The following KIF13A variants were observed in gnomAD, a reference collection of about 807,000 sequenced individuals.
The protein encoded by KIF13A is kinesin family member 13A, also known as kinesin-like protein KIF13A.
KIF13A carries 79 observed loss-of-function variants against 212.2 expected under a neutral mutation model. The observed-to-expected ratio is 0.37, with a 90% CI of 0.31 to 0.45. KIF13A has a LOEUF of 0.45. Ranked by LOEUF, KIF13A falls within the 20% of genes least tolerant of loss-of-function variation. KIF13A has a pLI of 1.00. For synonymous variants in KIF13A, 789 were observed against 808.6 expected, an observed-to-expected ratio of 0.98 and a Z score of 0.41; for missense variants, 1,901 against 2,209.0, an observed-to-expected ratio of 0.86 and a Z score of 2.79.
Position 17,948,557 on chromosome 6 carries a change from C to CTTTTTT in KIF13A, c.146+38491_146+38496dup, listed in dbSNP as rs71002289. On this transcript the variant is annotated intron_variant, in intron 2 of 38. Coordinates refer to ENST00000259711, the MANE Select transcript of KIF13A (RefSeq NM_022113.6). The stretch of plus-strand genomic sequence containing the variant: ...CACAGTACCACATAACATCCATTTA[C>CTTTTTT]TTTTTTTTTTTTTTTTTTTTTTTTG... 1.6e-3 allele frequency among the ~76,000 whole-genome samples: 132 copies of CTTTTTT among 84,134 alleles called. 2 individuals are homozygous for CTTTTTT. Among genetic ancestry groups the CTTTTTT allele is most frequent in the Admixed American group, 8.3e-3 (46 of 5,548 alleles). 55.2% of individuals were successfully genotyped at this position (84,134 alleles called of 152,430 possible).
chr6:17,830,336 T>C (rs1366558434), intron 13 of KIF13A, among the ~76,000 whole-genome samples: 3 of 152,242 alleles, frequency 2.0e-5, no homozygotes, highest in African/African-American at 7.2e-5. Flanking sequence ...AATGATGTTA[T>C]AGCCCTGAGG....
At chr6:17,917,360 C>G (rs1774624971) in intron 2 of KIF13A, among the ~76,000 whole-genome samples, 1 of 151,178 alleles carries the variant, frequency 6.6e-6, no homozygotes, top group Non-Finnish European at 1.5e-5. Flanking sequence ...TGTGCCTCAA[C>G]CTCCCGAGAA....
chr6:17,927,826 T>C (rs975221004), intron 2 of KIF13A, among the ~76,000 whole-genome samples: 1 of 152,140 alleles, frequency 6.6e-6, no homozygotes, highest in African/African-American at 2.4e-5. Context: ...AAGAAGACTC[T>C]TGGAATAAAC....
chr6:17,939,038 T>C (rs1404809341), intron 2 of KIF13A, among the ~76,000 whole-genome samples: 4 of 152,176 alleles, frequency 2.6e-5, no homozygotes, highest in Non-Finnish European at 4.4e-5. Flanking sequence ...TTGGCACAAA[T>C]TCCTTCAAGA....
rs550185559 is a variant in KIF13A at position 17,861,497 on chromosome 6, C to A, written c.221-5375G>T. Among the ~76,000 whole-genome samples the A allele has an allele frequency of 2.0e-5, 3 of 152,238 alleles. No homozygotes were observed. In the East Asian group the frequency reaches 5.8e-4, roughly 29 times the overall value. ...TTATTCTTACATGTTTACCTCTGTGCAGTTTCCTATTGACTTTACTAGGCA... is the reference window on the plus strand; with the variant it reads ...TTATTCTTACATGTTTACCTCTGTGAAGTTTCCTATTGACTTTACTAGGCA... On this transcript the variant is annotated intron_variant, in intron 4 of 38. Coordinates refer to ENST00000259711, the MANE Select transcript of KIF13A (RefSeq NM_022113.6).
chr6:17,880,782 G>A (rs764248500), intron 3 of KIF13A, among the ~76,000 whole-genome samples: 2 of 151,968 alleles, frequency 1.3e-5, no homozygotes, highest in Admixed American at 6.6e-5. Flanking sequence ...CACCATACTT[G>A]TCTAATTTTG....
In KIF13A at chr6:17,838,280, C is replaced by T. The variant is rs1485915543; in HGVS notation, c.831-697G>A. Among the ~76,000 whole-genome samples the T allele has an allele frequency of 6.6e-6, 1 of 151,088 alleles. No homozygotes were observed. The highest frequency in any genetic ancestry group is 2.4e-5 in the African/African-American group (1 of 41,042). On this transcript the variant is annotated intron_variant, in intron 9 of 38. Coordinates refer to ENST00000259711, the MANE Select transcript of KIF13A (RefSeq NM_022113.6). The surrounding 1 kb of genome is among the most constrained non-coding windows in gnomAD (Gnocchi z 4.2). ...AGGCTGCAGTGAGCCAAGATCGCGC[C>T]ACTGTACTCCAGCCTGGGCGACAGA...
Position 17,947,310 on chromosome 6 carries a change from G to A in KIF13A, c.146+39744C>T, listed in dbSNP as rs147888226. On this transcript the variant is annotated intron_variant, in intron 2 of 38. Coordinates refer to ENST00000259711, the MANE Select transcript of KIF13A (RefSeq NM_022113.6). The surrounding 1 kb of genome is among the most constrained non-coding windows in gnomAD (Gnocchi z 4.6). The stretch of plus-strand genomic sequence containing the variant: ...TTAACTGTTGAAACCAAATATATAA[G>A]TTATATACTTCTTTATTATACATGC... Among the ~76,000 whole-genome samples the A allele has an allele frequency of 0.014, 2,182 of 151,930 alleles. 21 individuals carry two copies. The highest frequency in any genetic ancestry group is 0.025 in the Non-Finnish European group (1,696 of 67,966).
intron 11 of KIF13A, among the ~76,000 whole-genome samples, chr6:17,835,191 C>A (rs1765820053): frequency 1.1e-5 from 1 of 89,518 alleles, no homozygotes; most frequent in African/African-American, 4.3e-5. Flanking sequence ...CCACCCGCCC[C>A]CGCCAAAAAA....
chr6:17,850,522 GT>G lies in KIF13A; in HGVS notation c.583-66del. The G allele has an allele frequency of 6.8e-7, 1 of 1,461,766 alleles. No individual in the cohort carries two copies. The highest frequency in any genetic ancestry group is 9.2e-7 in the Non-Finnish European group (1 of 1,086,194). The allele number at this position is 1,461,766 out of a possible 1,614,324, so 90.5% of individuals were successfully genotyped here. ...ACAAGAATGTAGTCCTGCACACCAGGTATATGTATTAATTATGATTCCTCTG... is the reference window on the plus strand; with the variant it reads ...ACAAGAATGTAGTCCTGCACACCAGGATATGTATTAATTATGATTCCTCTG... On this transcript the variant is annotated intron_variant, in intron 7 of 38. Transcript: ENST00000259711. This position sits in a 1 kb window ranked among gnomAD's most constrained non-coding sequence, Gnocchi z 6.2.
In KIF13A at chr6:17,835,195, C is replaced by CA. The variant is rs61697144; in HGVS notation, c.1156-1125dup. ...AGAGACTCTGTCCACCCGCCCCCGC[C>CA]AAAAAAAAAAAAAAAAAAAAAAAAA... On this transcript the variant is annotated intron_variant, in intron 11 of 38. Coordinates refer to ENST00000259711, the MANE Select transcript of KIF13A (RefSeq NM_022113.6). Among the ~76,000 whole-genome samples the CA allele has an allele frequency of 1.3e-3, 61 of 45,944 alleles. 11 individuals carry two copies. The highest frequency in any genetic ancestry group is 2.9e-3 in the East Asian group (3 of 1,028). The allele number at this position is 45,944 out of a possible 152,430, so 30.1% of individuals were successfully genotyped here.
chr6:17,953,413 AG>A (rs1778051677), intron 2 of KIF13A, among the ~76,000 whole-genome samples: 1 of 152,200 alleles, frequency 6.6e-6, no homozygotes, highest in Admixed American at 6.5e-5. Context: ...TCTCTTAACC[AG>A]GAAGAAAAGC....
downstream of KIF13A, among the ~76,000 whole-genome samples, chr6:17,762,700 A>G (rs547596938): frequency 1.3e-5 from 2 of 152,214 alleles, no homozygotes; most frequent in Non-Finnish European, 2.9e-5. Flanking sequence ...TAATCCAGGT[A>G]AAGAAAGTTG....
intron 3 of KIF13A, among the ~76,000 whole-genome samples, chr6:17,878,784 C>T (rs772395319): frequency 1.5e-4 from 23 of 152,116 alleles, no homozygotes; most frequent in African/African-American, 4.6e-4. Flanking sequence ...TAAAAGGGCA[C>T]GAGACCATTT....
intron 9 of KIF13A, among the ~76,000 whole-genome samples, chr6:17,840,869 A>G (rs1032697833): frequency 2.0e-5 from 3 of 152,282 alleles, no homozygotes; most frequent in South Asian, 4.1e-4. Context: ...CTCTAAAAAC[A>G]TGGCATCAAT....
intron 2 of KIF13A, among the ~76,000 whole-genome samples, chr6:17,927,822 A>G (rs1434567336): frequency 6.6e-6 from 1 of 152,040 alleles, no homozygotes; most frequent in Non-Finnish European, 1.5e-5. Flanking sequence ...AGGCAAGAAG[A>G]CTCTTGGAAT....
intron 2 of KIF13A, among the ~76,000 whole-genome samples, chr6:17,944,217 T>TA (rs1777189837): frequency 6.6e-6 from 1 of 152,236 alleles, no homozygotes; most frequent in Non-Finnish European, 1.5e-5. Context: ...ATGCTTTATG[T>TA]AACTTGAACT....
intron 2 of KIF13A, among the ~76,000 whole-genome samples, chr6:17,929,390 C>T (rs1352581577): frequency 6.8e-6 from 1 of 146,430 alleles, no homozygotes; most frequent in African/African-American, 2.5e-5. Context: ...GAGGTGTGTG[C>T]AGCACTCTCG....
rs1485715442 is a variant in KIF13A at position 17,856,257 on chromosome 6, G to C, written c.221-135C>G. Reference sequence around the variant, plus strand: ...CCGAGTGCCCACTAAGTACAGGGCTGTGTATTAAGAGCTTGATATATGCAA... The same window carrying C: ...CCGAGTGCCCACTAAGTACAGGGCTCTGTATTAAGAGCTTGATATATGCAA... On this transcript the variant is annotated intron_variant, in intron 4 of 38. Transcript: ENST00000259711. The surrounding 1 kb of genome is among the most constrained non-coding windows in gnomAD (Gnocchi z 4.5). The C allele has an allele frequency of 4.8e-6, 3 of 620,064 alleles. No individual in the cohort carries two copies. Among genetic ancestry groups the C allele is most frequent in the Non-Finnish European group, 8.5e-6 (3 of 352,306 alleles). 38.4% of individuals were successfully genotyped at this position (620,064 alleles called of 1,614,324 possible).
Sources: gnomAD v4.1 joint callset for allele counts (sites outside exome capture counted in the v4.1 genomes callset) on GRCh38, gnomAD v4.1.1 for gene constraint, Gnocchi (gnomAD v3.1) non-coding constraint, MANE v1.5 for transcripts, NCBI Gene and HGNC (gene_info 2026-07-23, HGNC 2026-07-21) for gene names.